Variants in NBEA observed in about 807,000 individuals in gnomAD.
NBEA encodes the protein neurobeachin, also known as lysosomal-trafficking regulator 2.
NBEA carries 44 observed loss-of-function variants against 343.4 expected under a neutral mutation model. That is an observed-to-expected ratio of 0.13 (90% confidence interval 0.10 to 0.16). NBEA has a LOEUF of 0.16. Ranked by LOEUF, NBEA falls within the 10% of genes least tolerant of loss-of-function variation. NBEA has a pLI of 1.00. For synonymous variants in NBEA, 1,175 were observed against 1,238.7 expected, an observed-to-expected ratio of 0.95 and a Z score of 1.08; for missense variants, 2,555 against 3,631.3, an observed-to-expected ratio of 0.70 and a Z score of 7.62.
At chr13:35,236,192 T>G (rs2075218286) in intron 34 of NBEA, among the ~76,000 whole-genome samples, 1 of 152,168 alleles carries the variant, frequency 6.6e-6, no homozygotes, top group Non-Finnish European at 1.5e-5. Flanking sequence ...ATCCTTTAAA[T>G]TTTTGCTAGT....
At chr13:35,011,762 A>G (rs2061499812) in intron 1 of NBEA, among the ~76,000 whole-genome samples, 2 of 152,164 alleles carry the variant, frequency 1.3e-5, no homozygotes, top group South Asian at 4.1e-4. Context: ...ATTTCAGGGA[A>G]TATTCATTTT....
At chr13:35,127,105 C>T (rs895066936) in intron 17 of NBEA, among the ~76,000 whole-genome samples, 1 of 151,974 alleles carries the variant, frequency 6.6e-6, no homozygotes, top group Non-Finnish European at 1.5e-5. Flanking sequence ...GAATGGTTAG[C>T]ATCAAAGTGC....
intron 1 of NBEA, among the ~76,000 whole-genome samples, chr13:34,981,696 C>T (rs1310436621): frequency 6.7e-6 from 1 of 149,712 alleles, no homozygotes; most frequent in East Asian, 1.9e-4. Flanking sequence ...TAGAATTCAC[C>T]AATAAAACAT....
At chr13:35,288,710 T>C (rs1303611641) in intron 34 of NBEA, among the ~76,000 whole-genome samples, 1 of 152,004 alleles carries the variant, frequency 6.6e-6, no homozygotes, top group Non-Finnish European at 1.5e-5. Context: ...CAATTTATTA[T>C]ATATTTAAAA....
Position 35,211,148 on chromosome 13 carries a change from C to G in NBEA, c.5617C>G (p.Pro1873Ala), listed in dbSNP as rs2073744472. The G allele has an allele frequency of 1.9e-6, 3 of 1,554,340 alleles. No individual in the cohort carries two copies. Among genetic ancestry groups the G allele is most frequent in the Non-Finnish European group, 1.7e-6 (2 of 1,147,894 alleles). ...KNLPAVQTVA[P>A]MPEDSAENMS... The stretch of plus-strand genomic sequence containing the variant: ...CCTTCCAGCTGTACAAACTGTTGCT[C>G]CAATGCCAGAAGATTCAGCTGAAAA... The change falls in exon 33 of 59, where the codon CCA becomes GCA. Residue 1873 changes from proline to alanine, a missense_variant. Transcript: ENST00000379939.
chr13:35,294,051 C>A (rs2035960469), intron 35 of NBEA, among the ~76,000 whole-genome samples: 1 of 151,930 alleles, frequency 6.6e-6, no homozygotes, highest in Non-Finnish European at 1.5e-5. Context: ...AAGTAAGAGG[C>A]CTGCAAGTCT....
At chr13:35,466,149 T>C (rs1306105243) in intron 40 of NBEA, among the ~76,000 whole-genome samples, 3 of 152,178 alleles carry the variant, frequency 2.0e-5, no homozygotes, top group Non-Finnish European at 4.4e-5. Flanking sequence ...ACACCTAATA[T>C]GTGTTCTTCA....
intron 38 of NBEA, among the ~76,000 whole-genome samples, chr13:35,386,479 A>G (rs951825468): frequency 1.3e-5 from 2 of 152,186 alleles, no homozygotes; most frequent in Admixed American, 1.3e-4. Flanking sequence ...TGTATGTTAC[A>G]TAATAATTCA....
intron 2 of NBEA, among the ~76,000 whole-genome samples, chr13:35,042,514 G>A (rs1240286258): frequency 6.6e-6 from 1 of 151,612 alleles, no homozygotes; most frequent in Non-Finnish European, 1.5e-5. Context: ...ATGGAGTGCA[G>A]TTTAGAGAAT....
chr13:35,371,456 C>CTGTTTGTT (rs201080966), intron 38 of NBEA, among the ~76,000 whole-genome samples: 2 of 151,512 alleles, frequency 1.3e-5, no homozygotes, highest in African/African-American at 4.9e-5. Context: ...TTCAGGATTC[C>CTGTTTGTT]TGTTTGTTTG....
intron 35 of NBEA, among the ~76,000 whole-genome samples, chr13:35,297,992 C>G (rs1234314934): frequency 6.6e-6 from 1 of 151,480 alleles, no homozygotes; most frequent in Non-Finnish European, 1.5e-5. Flanking sequence ...ATGCATATAA[C>G]TTTTTACTCC....
chr13:35,210,614 T>C (rs2073707498), intron 32 of NBEA, among the ~76,000 whole-genome samples: 1 of 152,176 alleles, frequency 6.6e-6, no homozygotes, highest in South Asian at 2.1e-4. Flanking sequence ...AGTGATCTTA[T>C]CAAAAGGAGC....
chr13:35,612,407 C>T (rs545777613), intron 48 of NBEA, among the ~76,000 whole-genome samples: 2 of 152,292 alleles, frequency 1.3e-5, no homozygotes, highest in South Asian at 2.1e-4. Flanking sequence ...GCTGGGATTA[C>T]AGGCGTGAGC....
chr13:35,047,615 T>C (rs1280604654), intron 4 of NBEA, among the ~76,000 whole-genome samples: 1 of 151,760 alleles, frequency 6.6e-6, no homozygotes, highest in Non-Finnish European at 1.5e-5. Context: ...AGCTGGTATA[T>C]TTAGATGTAC....
chr13:35,592,825 C>T (rs993735339), intron 46 of NBEA, among the ~76,000 whole-genome samples: 7 of 150,218 alleles, frequency 4.7e-5, no homozygotes, highest in Non-Finnish European at 1.0e-4. Context: ...ATTATCAGAC[C>T]ATAAGGTAGT....
At position 35,177,165 on chromosome 13, in the gene NBEA, G is replaced by A. The variant is rs569628157; in HGVS notation, c.4662+62G>A. The A allele has an allele frequency of 4.8e-5, 62 of 1,285,418 alleles. 1 individual carries two copies. The highest frequency in any genetic ancestry group is 3.3e-4 in the South Asian group (25 of 75,594). The allele number at this position is 1,285,418 out of a possible 1,614,324, so 79.6% of individuals were successfully genotyped here. ...TTCTACTGTCATTCGTATGAAATAC[G>A]TTTTATAAGAAAGCTGCTTATGAAA... On this transcript the variant is annotated intron_variant, in intron 28 of 58. Coordinates refer to ENST00000379939, the MANE Select transcript of NBEA (RefSeq NM_001385012.1).
At chr13:34,983,380 C>G (rs898633784) in intron 1 of NBEA, among the ~76,000 whole-genome samples, 1 of 152,042 alleles carries the variant, frequency 6.6e-6, no homozygotes, top group Admixed American at 6.6e-5. Flanking sequence ...TGCATAGTAT[C>G]CCATGGTGTA....
intron 33 of NBEA, among the ~76,000 whole-genome samples, chr13:35,224,978 G>A (rs1387972018): frequency 1.3e-5 from 2 of 152,092 alleles, no homozygotes; most frequent in Non-Finnish European, 2.9e-5. Context: ...GTTACTCTCT[G>A]TGTACCACGG....
intron 18 of NBEA, among the ~76,000 whole-genome samples, chr13:35,142,733 T>C (rs2068163551): frequency 1.3e-5 from 2 of 152,274 alleles, no homozygotes; most frequent in South Asian, 4.1e-4. Context: ...CTCTCTCTCT[T>C]TCTGCTTCTA....
Sources: allele counts gnomAD v4.1 joint callset (sites outside exome capture counted in the v4.1 genomes callset), GRCh38; gene constraint gnomAD v4.1.1; transcripts MANE v1.5; gene names NCBI Gene and HGNC (gene_info 2026-07-23, HGNC 2026-07-21).